The following PCLO variants were observed in gnomAD, a reference collection of about 807,000 sequenced individuals.
The protein encoded by PCLO is piccolo presynaptic cytomatrix protein.
In PCLO, 82 loss-of-function variants were observed where a neutral mutation model predicts 427.5. That is an observed-to-expected ratio of 0.19 (90% confidence interval 0.16 to 0.23). PCLO has a LOEUF of 0.23. Among genes scored for constraint, PCLO ranks in the 10% least tolerant of loss-of-function variants. The pLI, the probability that PCLO is intolerant of heterozygous loss-of-function variation, is 1.00. For missense variants in PCLO, 6,239 were observed against 6,115.9 expected (o/e 1.02, Z -0.67); for synonymous variants, 2,357 against 2,155.4 (o/e 1.09, Z -2.59).
At chr7:83,140,038 A>G (rs1791824420) in intron 2 of PCLO, among the ~76,000 whole-genome samples, 2 of 152,344 alleles carry the variant, frequency 1.3e-5, no homozygotes, top group South Asian at 4.1e-4. Flanking sequence ...GAAAAAGTCC[A>G]TAACCAGCCC....
intron 3 of PCLO, among the ~76,000 whole-genome samples, chr7:82,970,433 G>T (rs1048901142): frequency 5.3e-5 from 8 of 151,886 alleles, no homozygotes; most frequent in Admixed American, 4.6e-4. Flanking sequence ...ACTATTAGAG[G>T]AAATGGAAAG....
chr7:83,019,490 C>T (rs1364660294), intron 3 of PCLO, among the ~76,000 whole-genome samples: 1 of 151,128 alleles, frequency 6.6e-6, no homozygotes, highest in Non-Finnish European at 1.5e-5. Context: ...TAAATTTATA[C>T]AAAGAGTATC....
intron 3 of PCLO, among the ~76,000 whole-genome samples, chr7:83,104,046 G>T (rs1445861619): frequency 6.6e-6 from 1 of 151,954 alleles, no homozygotes. Context: ...AGAACCTCTT[G>T]ACATTAAAGC....
chr7:82,939,709 A>G lies in PCLO; in HGVS notation c.11112+9767T>C, dbSNP rs558349097. On this transcript the variant is annotated intron_variant, in intron 6 of 24. Transcript: ENST00000333891. The stretch of plus-strand genomic sequence containing the variant: ...GATATATTTTCCACTGGAAATATAT[A>G]TTATACATAAAATATATATTTTTAT... 8.8e-5 allele frequency among the ~76,000 whole-genome samples: 13 copies of G among 148,252 alleles called. No individual in the cohort carries two copies. The South Asian group carries it at 2.1e-3, about 24-fold the overall frequency.
At chr7:82,814,927 A>G (rs1311313603) in intron 20 of PCLO, among the ~76,000 whole-genome samples, 1 of 152,010 alleles carries the variant, frequency 6.6e-6, no homozygotes, top group Non-Finnish European at 1.5e-5. Flanking sequence ...ATGAGAAGAA[A>G]CTGATTAGCA....
intron 3 of PCLO, among the ~76,000 whole-genome samples, chr7:82,988,316 G>A (rs1223591739): frequency 3.3e-5 from 5 of 151,932 alleles, no homozygotes; most frequent in African/African-American, 9.7e-5. Flanking sequence ...GAGACCCCAT[G>A]GCTGGACCCA....
intron 22 of PCLO, among the ~76,000 whole-genome samples, chr7:82,785,190 G>C (rs1309225190): frequency 6.6e-6 from 1 of 152,098 alleles, no homozygotes; most frequent in East Asian, 1.9e-4. Flanking sequence ...GGGCTGTGGG[G>C]GATGGTTTCA....
At chr7:83,036,619 T>C (rs1562932095) in intron 3 of PCLO, among the ~76,000 whole-genome samples, 1 of 152,090 alleles carries the variant, frequency 6.6e-6, no homozygotes, top group Non-Finnish European at 1.5e-5. Context: ...GACCTCAGTA[T>C]AGCAACTGAT....
At chr7:82,880,506 A>G (rs1293612658) in intron 9 of PCLO, 2 of 258,166 alleles carry the variant, frequency 7.7e-6, no homozygotes, top group Admixed American at 4.2e-5. Context: ...GGCCTCTCAC[A>G]GTGCTGGAAT....
chr7:83,148,432 G>T (rs936846705), intron 2 of PCLO, among the ~76,000 whole-genome samples: 3 of 152,082 alleles, frequency 2.0e-5, no homozygotes, highest in African/African-American at 7.2e-5. Context: ...CATAAGGGAA[G>T]GATTTTTTCA....
chr7:82,796,060 T>C (rs543263909), intron 22 of PCLO, among the ~76,000 whole-genome samples: 164 of 152,282 alleles, frequency 1.1e-3, no homozygotes, highest in African/African-American at 3.4e-3. Flanking sequence ...CATCAAGCAA[T>C]TGACAATGCT....
intron 16 of PCLO, among the ~76,000 whole-genome samples, chr7:82,831,175 T>G (rs1562806501): frequency 6.6e-6 from 1 of 152,090 alleles, no homozygotes; most frequent in African/African-American, 2.4e-5. Flanking sequence ...TACTTCTTAC[T>G]CCATTTTATA....
intron 3 of PCLO, among the ~76,000 whole-genome samples, chr7:83,046,222 G>C (rs1314649840): frequency 6.6e-6 from 1 of 152,042 alleles, no homozygotes; most frequent in East Asian, 1.9e-4. Flanking sequence ...CTGAGGGTCA[G>C]AGATAACACA....
At chr7:83,008,527 AGAAACTGAG>A (rs1165052232) in intron 3 of PCLO, among the ~76,000 whole-genome samples, 4 of 151,754 alleles carry the variant, frequency 2.6e-5, no homozygotes, top group African/African-American at 9.7e-5. Context: ...TAGTAAAATG[AGAAACTGAG>A]GCCAATTCAG....
At chr7:82,827,800 A>G in intron 17 of PCLO, 73 bp downstream of exon 17, 2 of 853,748 alleles carry the variant, frequency 2.3e-6, no homozygotes, top group Non-Finnish European at 3.7e-6. Context: ...ACAGATCCCA[A>G]TTTTTGAATA....
chr7:83,045,491 C>T (rs1488905632), intron 3 of PCLO, among the ~76,000 whole-genome samples: 1 of 151,996 alleles, frequency 6.6e-6, no homozygotes, highest in Non-Finnish European at 1.5e-5. Flanking sequence ...ATTTTCTCCT[C>T]AGATATTTGC....
chr7:82,822,508 G>T lies in PCLO; in HGVS notation c.14778C>A (p.Leu4926=), dbSNP rs879849664. The T allele has an allele frequency of 1.3e-5, 21 of 1,613,756 alleles. No individual in the cohort carries two copies. The highest frequency in any genetic ancestry group is 2.2e-5 in the East Asian group (1 of 44,858). ...TGCGTCTTTTACTTGGTTGAATGCG[G>T]AGTTGTTGCACGGCAGCTTCGGCAG... ...IAAAEAAVQQ[L]RIQPTKPPNH... Residue 4926 remains leucine (L), a synonymous_variant, in exon 20 of 25, where the codon CTC becomes CTA. Coordinates refer to ENST00000333891, the MANE Select transcript of PCLO (RefSeq NM_033026.6).
chr7:83,073,326 C>T (rs1789865949), intron 3 of PCLO, among the ~76,000 whole-genome samples: 1 of 151,938 alleles, frequency 6.6e-6, no homozygotes, highest in Non-Finnish European at 1.5e-5. Context: ...CAAATATTTT[C>T]CTAGCTTATG....
intron 8 of PCLO, among the ~76,000 whole-genome samples, 165 bp downstream of exon 8, chr7:82,908,712 T>C (rs1158864366): frequency 6.6e-6 from 1 of 152,140 alleles, no homozygotes; most frequent in African/African-American, 2.4e-5. Context: ...CAGTCAGTCA[T>C]AGCTGATGAA....
Sources: allele counts gnomAD v4.1 joint callset (sites outside exome capture counted in the v4.1 genomes callset), GRCh38; gene constraint gnomAD v4.1.1; transcripts MANE v1.5; gene names NCBI Gene and HGNC (gene_info 2026-07-23, HGNC 2026-07-21).